Variants in PPP1R9A observed in about 807,000 individuals in gnomAD.
PPP1R9A encodes the protein neurabin-1.
PPP1R9A carries 59 observed loss-of-function variants against 141.9 expected under a neutral mutation model. The observed-to-expected ratio is 0.42, with a 90% confidence interval of 0.34 to 0.52. PPP1R9A has a LOEUF of 0.52. Among genes scored for constraint, PPP1R9A ranks in the 20% least tolerant of loss-of-function variants. The pLI is 0.10. For missense variants in PPP1R9A, 1,444 were observed against 1,611.9 expected, an observed-to-expected ratio of 0.90 and a Z score of 1.78; for synonymous variants, 500 against 569.7, an observed-to-expected ratio of 0.88 and a Z score of 1.74.
At chr7:95,195,810 G>T (rs1255093736) in intron 5 of PPP1R9A, among the ~76,000 whole-genome samples, 1 of 152,024 alleles carries the variant, frequency 6.6e-6, no homozygotes, top group Non-Finnish European at 1.5e-5. Flanking sequence ...CAGCACTTTG[G>T]GGGGCCAAAG....
In PPP1R9A at chr7:95,208,956, T is replaced by TAAAAA. The variant is rs10670515; in HGVS notation, c.1956+5244_1956+5248dup. ...TTTGGATATAAAAATATAGCAAAAC[T>TAAAAA]AAAAAAAAAAAAAAAAAAAAAACTC... is the stretch of plus-strand genomic sequence containing the variant. On this transcript the variant is annotated intron_variant, in intron 7 of 19. Coordinates refer to ENST00000433360, the MANE Select transcript of PPP1R9A (RefSeq NM_001166160.2). 1.1e-3 allele frequency among the ~76,000 whole-genome samples: 82 copies of TAAAAA among 76,894 alleles called. 1 individual carries two copies. Among genetic ancestry groups the TAAAAA allele is most frequent in the African/African-American group, 3.9e-3 (72 of 18,604 alleles). The allele number at this position is 76,894 out of a possible 152,430, so 50.4% of individuals were successfully genotyped here.
intron 5 of PPP1R9A, among the ~76,000 whole-genome samples, chr7:95,169,324 G>A (rs1831754905): frequency 6.6e-6 from 1 of 151,868 alleles, no homozygotes; most frequent in South Asian, 2.1e-4. Context: ...TCCTATATAG[G>A]AGCTAAAAAT....
chr7:94,935,873 T>G (rs1259753659), intron 2 of PPP1R9A, among the ~76,000 whole-genome samples: 2 of 152,182 alleles, frequency 1.3e-5, no homozygotes, highest in African/African-American at 4.8e-5. Flanking sequence ...TCTTTTAATC[T>G]CCTGAATCAG....
rs560008035 is a variant in PPP1R9A, at chr7:95,125,879, A to G, written c.1649+5047A>G. 3.3e-5 allele frequency among the ~76,000 whole-genome samples: 5 copies of G among 152,118 alleles called. No homozygotes were observed. The East Asian group carries it at 9.7e-4, about 29-fold the overall frequency. ...TACCAACATATACAATAGATTAAAG[A>G]GTCCTATTCTTTTGCTTATCCTGCA... On this transcript the variant is annotated intron_variant, in intron 4 of 19. Coordinates refer to ENST00000433360, the MANE Select transcript of PPP1R9A (RefSeq NM_001166160.2).
chr7:95,027,769 TCACG>T (rs1459351390), intron 2 of PPP1R9A, among the ~76,000 whole-genome samples: 1 of 152,160 alleles, frequency 6.6e-6, no homozygotes, highest in Non-Finnish European at 1.5e-5. Flanking sequence ...GGCAGTTGTA[TCACG>T]ATGGTAAGTA....
intron 14 of PPP1R9A, among the ~76,000 whole-genome samples, chr7:95,271,242 A>G (rs369616089): frequency 6.6e-6 from 1 of 152,318 alleles, no homozygotes; most frequent in South Asian, 2.1e-4. Context: ...ATAACTTGCC[A>G]TATTACTAGG....
At position 94,933,966 on chromosome 7, in the gene PPP1R9A, C is replaced by T. The variant is rs187794503; in HGVS notation, c.1395+22458C>T. 4.6e-5 allele frequency among the ~76,000 whole-genome samples: 7 copies of T among 152,268 alleles called. No individual in the cohort carries two copies. In the East Asian group the frequency reaches 7.7e-4, roughly 17 times the overall value. On this transcript the variant is annotated intron_variant, in intron 2 of 19. Transcript: ENST00000433360. ...GCAGACTGCCATTGAATAACGTGAT[C>T]AAAGTAAAGACGTATGTTCTCAATT...
chr7:95,240,328 T>G (rs1797269829), intron 8 of PPP1R9A, among the ~76,000 whole-genome samples: 1 of 152,112 alleles, frequency 6.6e-6, no homozygotes, highest in Non-Finnish European at 1.5e-5. Context: ...CATTGATTAT[T>G]TGTCTTTTTA....
chr7:95,054,758 AT>A (rs1811290461), intron 2 of PPP1R9A, among the ~76,000 whole-genome samples: 1 of 152,074 alleles, frequency 6.6e-6, no homozygotes, highest in Admixed American at 6.5e-5. Flanking sequence ...TTCCCAGCAC[AT>A]TGACATTTGT....
At chr7:95,227,201 T>TTAAC (rs1280218007) in intron 8 of PPP1R9A, among the ~76,000 whole-genome samples, 1 of 152,198 alleles carries the variant, frequency 6.6e-6, no homozygotes, top group East Asian at 1.9e-4. Flanking sequence ...TAAGAATATT[T>TTAAC]TAACTCACAA....
rs151306563 is a variant in PPP1R9A, at chr7:95,230,270, A to G, written c.2112+4154A>G. 3.1e-3 allele frequency among the ~76,000 whole-genome samples: 467 copies of G among 152,224 alleles called. 5 individuals are homozygous for G. Among genetic ancestry groups the G allele is most frequent in the African/African-American group, 0.011 (445 of 41,538 alleles). On this transcript the variant is annotated intron_variant, in intron 8 of 19. Transcript: ENST00000433360. ...AAAACAAGGTTCTTTAACACCCCCA[A>G]AAGATCATACCAGTTAGCCAGCAAT...
intron 4 of PPP1R9A, among the ~76,000 whole-genome samples, chr7:95,132,986 G>T (rs559944724): frequency 2.0e-4 from 30 of 152,216 alleles, no homozygotes; most frequent in African/African-American, 6.0e-4. Flanking sequence ...CTGCAGAGTG[G>T]CAAATTCTGG....
chr7:94,966,251 A>G (rs531300713), intron 2 of PPP1R9A, among the ~76,000 whole-genome samples: 75 of 152,278 alleles, frequency 4.9e-4, no homozygotes, highest in Non-Finnish European at 8.7e-4. Context: ...AATATACAAC[A>G]TATACAGTCA....
intron 6 of PPP1R9A, 96 bp from the exon 7 acceptor site, chr7:95,203,569 G>A (rs1288342592): frequency 1.1e-6 from 1 of 873,870 alleles, no homozygotes; most frequent in African/African-American, 1.7e-5. Context: ...GTGTATTACA[G>A]TAAGCACTGG....
At chr7:95,134,813 G>A (rs1825346787) in intron 4 of PPP1R9A, among the ~76,000 whole-genome samples, 1 of 151,816 alleles carries the variant, frequency 6.6e-6, no homozygotes, top group African/African-American at 2.4e-5. Flanking sequence ...TTTTTTTCTT[G>A]GCAAATTTCC....
At position 95,274,177 on chromosome 7, in the gene PPP1R9A, G is replaced by C. The variant is rs1216394986; in HGVS notation, c.3296+9G>C. 6.5e-7 allele frequency: 1 copy of C among 1,537,188 alleles called. No individual in the cohort carries two copies. The highest frequency in any genetic ancestry group is 1.2e-5 in the South Asian group (1 of 85,442). ...TTTTCTGCAGGTAGCAGGTACGGTTGTGTGATTAAGAACACGTGTATTTCT... is the reference window on the plus strand; with the variant it reads ...TTTTCTGCAGGTAGCAGGTACGGTTCTGTGATTAAGAACACGTGTATTTCT... On this transcript the variant is annotated intron_variant, in intron 16 of 19. Transcript: ENST00000433360.
intron 5 of PPP1R9A, among the ~76,000 whole-genome samples, chr7:95,187,402 CTCT>C (rs2152817652): frequency 6.6e-6 from 1 of 152,142 alleles, no homozygotes; most frequent in Non-Finnish European, 1.5e-5. Context: ...CGGATATTTT[CTCT>C]TCTTGGTTAG....
chr7:95,025,928 T>C (rs778203273), intron 2 of PPP1R9A, among the ~76,000 whole-genome samples: 2 of 152,204 alleles, frequency 1.3e-5, no homozygotes, highest in Non-Finnish European at 2.9e-5. Context: ...CTCCATCAGA[T>C]CATTTATGTT....
intron 2 of PPP1R9A, among the ~76,000 whole-genome samples, chr7:95,019,588 C>A (rs1428091701): frequency 6.6e-6 from 1 of 151,808 alleles, no homozygotes; most frequent in African/African-American, 2.4e-5. Flanking sequence ...AAATAGTGGG[C>A]AAAATTTTTG....
Sources: allele counts gnomAD v4.1 joint callset (sites outside exome capture counted in the v4.1 genomes callset), GRCh38; gene constraint gnomAD v4.1.1; transcripts MANE v1.5; gene names NCBI Gene and HGNC (gene_info 2026-07-23, HGNC 2026-07-21).